Variants in ZHX3 observed in about 807,000 individuals in gnomAD.
ZHX3 encodes the protein zinc fingers and homeoboxes protein 3.
ZHX3 carries 20 observed loss-of-function variants against 64.5 expected under a neutral mutation model. The observed-to-expected ratio is 0.31, with a 90% CI of 0.22 to 0.45. The LOEUF (loss-of-function observed/expected upper bound fraction) is 0.45. Ranked by LOEUF, ZHX3 falls within the 20% of genes least tolerant of loss-of-function variation. The pLI, the probability that ZHX3 is intolerant of heterozygous loss-of-function variation, is 1.00. For missense variants in ZHX3, 1,041 were observed against 1,195.8 expected, an observed-to-expected ratio of 0.87 and a Z score of 1.91; for synonymous variants, 423 against 461.6, an observed-to-expected ratio of 0.92 and a Z score of 1.07.
intron 2 of ZHX3, among the ~76,000 whole-genome samples, chr20:41,231,444 C>T (rs566243377): frequency 6.6e-6 from 1 of 152,168 alleles, no homozygotes; most frequent in Non-Finnish European, 1.5e-5. Flanking sequence ...TCTTTAACCC[C>T]CTCCCTCACC....
rs1010540391 is a variant in ZHX3 at position 41,226,125 on chromosome 20, C to T, written c.-150-21059G>A. Reference sequence around the variant, plus strand: ...AAAAGTACTTATCTTGGGCTGGGCGCGGTGGCTCACACCTGTAATCCCAGC... The same window carrying T: ...AAAAGTACTTATCTTGGGCTGGGCGTGGTGGCTCACACCTGTAATCCCAGC... On this transcript the variant is annotated intron_variant, in intron 2 of 3. Transcript: ENST00000683867. This position sits in a 1 kb window ranked among gnomAD's most constrained non-coding sequence, Gnocchi z 4.4. Among the ~76,000 whole-genome samples the T allele has an allele frequency of 8.5e-5, 13 of 152,068 alleles. No homozygotes were observed. The highest frequency in any genetic ancestry group is 1.5e-4 in the Non-Finnish European group (10 of 68,018).
Position 41,202,398 on chromosome 20 carries a change from A to G in ZHX3, c.2519T>C (p.Leu840Pro), listed in dbSNP as rs766858829. Residue 840 changes from leucine (L) to proline (P), a missense_variant, in exon 3 of 4, where the codon CTG becomes CCG. Coordinates refer to ENST00000683867, the MANE Select transcript of ZHX3 (RefSeq NM_001384317.1). The surrounding 1 kb of genome is among the most constrained non-coding windows in gnomAD (Gnocchi z 7.0). ...CTCCCGGTTGCCAGGGGCAATGACC[A>G]GTAGCCCTGGTGGGAAGTTGCCTCG... ...YKRGNFPPGL[L>P]VIAPGNRELL... The G allele has an allele frequency of 4.3e-6, 7 of 1,614,202 alleles. No individual in the cohort carries two copies. The South Asian group carries it at 7.7e-5, about 18-fold the overall frequency.
At position 41,252,899 on chromosome 20, in the gene ZHX3, C is replaced by A. The variant is rs554972321; in HGVS notation, c.-151+16091G>T. On this transcript the variant is annotated intron_variant, in intron 2 of 3. Coordinates refer to ENST00000683867, the MANE Select transcript of ZHX3 (RefSeq NM_001384317.1). Reference sequence around the variant, plus strand: ...GGAGTCTGTTATATGTAAGATGCCTCCTTGTTGATGTTGCTATAGTCCTAA... The same window carrying A: ...GGAGTCTGTTATATGTAAGATGCCTACTTGTTGATGTTGCTATAGTCCTAA... 6.6e-5 allele frequency among the ~76,000 whole-genome samples: 10 copies of A among 152,272 alleles called. 3 individuals are homozygous for A. The highest frequency in any genetic ancestry group is 2.4e-4 in the African/African-American group (10 of 41,558).
At chr20:41,209,688 A>G (rs2039008087) in intron 2 of ZHX3, among the ~76,000 whole-genome samples, 1 of 152,236 alleles carries the variant, frequency 6.6e-6, no homozygotes, top group Admixed American at 6.5e-5. Context: ...TTATACAAAA[A>G]TTAATTCGAG....
chr20:41,288,155 G>A (rs2044032540), intron 1 of ZHX3, among the ~76,000 whole-genome samples: 3 of 152,098 alleles, frequency 2.0e-5, no homozygotes. Flanking sequence ...AGCCTTCCAG[G>A]ACTATAGGCA....
intron 1 of ZHX3, among the ~76,000 whole-genome samples, chr20:41,272,774 T>C (rs2043204801): frequency 6.6e-6 from 1 of 152,336 alleles, no homozygotes; most frequent in Admixed American, 6.5e-5. Context: ...CATCCATTCA[T>C]TCATTGATAG....
intron 2 of ZHX3, among the ~76,000 whole-genome samples, chr20:41,250,319 C>G (rs1283074173): frequency 6.6e-6 from 1 of 152,186 alleles, no homozygotes; most frequent in Non-Finnish European, 1.5e-5. Context: ...CTGTGACCGC[C>G]TGCTAAAATG....
intron 2 of ZHX3, among the ~76,000 whole-genome samples, chr20:41,223,146 G>T (rs1277762010): frequency 6.6e-6 from 1 of 152,184 alleles, no homozygotes; most frequent in Non-Finnish European, 1.5e-5. Context: ...GGAAAGGCTT[G>T]AAACATTGGA....
At chr20:41,213,592 C>G (rs559498905) in intron 2 of ZHX3, 2 of 152,752 alleles carry the variant, frequency 1.3e-5, no homozygotes, top group East Asian at 3.9e-4. Flanking sequence ...GAAGGCCAGG[C>G]AGCAGAACTC....
chr20:41,245,061 CTGGGGA>C, intron 2 of ZHX3, among the ~76,000 whole-genome samples: 1 of 152,188 alleles, frequency 6.6e-6, no homozygotes. Context: ...AAAGCTGAGG[CTGGGGA>C]TGGGGGTTGA....
chr20:41,231,855 T>C (rs1600434498), intron 2 of ZHX3, among the ~76,000 whole-genome samples: 1 of 152,218 alleles, frequency 6.6e-6, no homozygotes. Flanking sequence ...CTAAAATTTG[T>C]ATTCAGTCAA....
chr20:41,286,440 G>A lies in ZHX3; in HGVS notation c.-244-17357C>T, dbSNP rs942405589. Reference sequence around the variant, plus strand: ...TTTCCTCAAAGCACTTTGTTCCATCGTCTTTCAGCCTTGATTGCTGCTGTC... The same window carrying A: ...TTTCCTCAAAGCACTTTGTTCCATCATCTTTCAGCCTTGATTGCTGCTGTC... On this transcript the variant is annotated intron_variant, in intron 1 of 3. Coordinates refer to ENST00000683867, the MANE Select transcript of ZHX3 (RefSeq NM_001384317.1). 6.6e-5 allele frequency among the ~76,000 whole-genome samples: 10 copies of A among 152,106 alleles called. No individual in the cohort carries two copies. The East Asian group carries it at 9.6e-4, about 15-fold the overall frequency.
chr20:41,240,901 T>C (rs2041338220), intron 2 of ZHX3, among the ~76,000 whole-genome samples: 1 of 152,276 alleles, frequency 6.6e-6, no homozygotes, highest in Non-Finnish European at 1.5e-5. Context: ...CAGTTTTCTT[T>C]ATCCATTCAT....
intron 1 of ZHX3, chr20:41,290,457 A>G (rs917057628): frequency 6.6e-6 from 1 of 152,186 alleles, no homozygotes; most frequent in Admixed American, 6.5e-5. Context: ...ATTGATGCCA[A>G]ACTCAGTGTG....
chr20:41,270,519 C>A (rs2043088787), intron 1 of ZHX3, among the ~76,000 whole-genome samples: 1 of 151,478 alleles, frequency 6.6e-6, no homozygotes, highest in African/African-American at 2.4e-5. Context: ...ACTAAAAATA[C>A]AAAAAAATTA....
intron 1 of ZHX3, among the ~76,000 whole-genome samples, chr20:41,304,266 C>T (rs1191205080): frequency 6.6e-6 from 1 of 152,140 alleles, no homozygotes; most frequent in African/African-American, 2.4e-5. Flanking sequence ...AAATCATCCA[C>T]AGATATAACT....
intron 1 of ZHX3, among the ~76,000 whole-genome samples, chr20:41,294,254 T>A (rs192447120): frequency 1.4e-3 from 210 of 152,348 alleles, no homozygotes; most frequent in African/African-American, 4.8e-3. Context: ...GACAACAAAA[T>A]TTTTAAAACT....
At chr20:41,285,975 T>C (rs1049412054) in intron 1 of ZHX3, among the ~76,000 whole-genome samples, 12 of 152,220 alleles carry the variant, frequency 7.9e-5, no homozygotes, top group African/African-American at 2.7e-4. Flanking sequence ...GAAGAGTTCT[T>C]ATATTGACAA....
intron 1 of ZHX3, among the ~76,000 whole-genome samples, chr20:41,296,738 C>T (rs2044549710): frequency 6.6e-6 from 1 of 152,174 alleles, no homozygotes. Context: ...TTGGGTTTAG[C>T]CAATGCTAAG....
Sources: allele counts gnomAD v4.1 joint callset (sites outside exome capture counted in the v4.1 genomes callset), GRCh38; gene constraint gnomAD v4.1.1; non-coding constraint Gnocchi (gnomAD v3.1); transcripts MANE v1.5; gene names NCBI Gene and HGNC (gene_info 2026-07-23, HGNC 2026-07-21).